Variants in RAPGEF1 observed in about 807,000 individuals in gnomAD.
RAPGEF1 encodes the protein Rap guanine nucleotide exchange factor 1.
In RAPGEF1, 33 loss-of-function variants were observed where a neutral mutation model predicts 143.3. The ratio of observed to expected loss-of-function variants is 0.23; its 90% CI spans 0.17 to 0.31. RAPGEF1 has a LOEUF of 0.31. Among genes scored for constraint, RAPGEF1 ranks in the 10% least tolerant of loss-of-function variants. RAPGEF1 has a pLI of 1.00. For missense variants in RAPGEF1, 1,199 were observed against 1,645.4 expected, an observed-to-expected ratio of 0.73 and a Z score of 4.69; for synonymous variants, 629 against 676.5, an observed-to-expected ratio of 0.93 and a Z score of 1.09.
chr9:131,579,745 C>T (rs1951570751), intron 26 of RAPGEF1, 98 bp from the exon 27 acceptor site: 3 of 1,303,616 alleles, frequency 2.3e-6, no homozygotes, highest in Admixed American at 2.3e-5. Context: ...ACCATCCCCA[C>T]AGCCTCGCAG....
chr9:131,704,622 A>T (rs991580923), intron 1 of RAPGEF1, among the ~76,000 whole-genome samples: 1 of 152,140 alleles, frequency 6.6e-6, no homozygotes, highest in African/African-American at 2.4e-5. Context: ...AGGAGATAAC[A>T]ATTCAATTTG....
intron 1 of RAPGEF1, among the ~76,000 whole-genome samples, chr9:131,658,930 G>A (rs1253871871): frequency 6.6e-6 from 1 of 152,194 alleles, no homozygotes; most frequent in Non-Finnish European, 1.5e-5. Context: ...AGTGGTTTCT[G>A]TCTCAACTTA....
intron 11 of RAPGEF1, among the ~76,000 whole-genome samples, chr9:131,620,938 G>A (rs774759534): frequency 1.3e-5 from 2 of 152,250 alleles, no homozygotes; most frequent in African/African-American, 2.4e-5. Context: ...GCCAGCACAC[G>A]AGAGCAGCAG....
Position 131,580,264 on chromosome 9 carries a change from C to T in RAPGEF1, c.3640G>A (p.Ala1214Thr). Reference protein sequence around the residue: ...ILDSMRCFQQAHYDMRRNDDI... With the variant: ...ILDSMRCFQQTHYDMRRNDDI... ...TCCCCCCGGGGCAGTGGCACTCACG[C>T]CTGCTGGAAGCAGCGCATGCTGTCG... is the stretch of plus-strand genomic sequence containing the variant. Residue 1214 changes from alanine (A) to threonine (T), a missense_variant and splice_region_variant, in exon 26 of 27, where the codon GCG becomes ACG. Ala to Thr is a moderately conservative substitution (Grantham distance 58, BLOSUM62 0). Around this residue, in one of 6 missense-constraint regions of RAPGEF1, gnomAD observed 67 missense variants for 105.4 expected, o/e 0.64. Transcript: ENST00000683357. The T allele has an allele frequency of 6.2e-7, 1 of 1,613,926 alleles. No individual in the cohort carries two copies. Among genetic ancestry groups the T allele is most frequent in the Non-Finnish European group, 8.5e-7 (1 of 1,179,834 alleles).
At chr9:131,692,281 G>T (rs991308348) in intron 1 of RAPGEF1, among the ~76,000 whole-genome samples, 3 of 152,200 alleles carry the variant, frequency 2.0e-5, no homozygotes, top group African/African-American at 7.2e-5. Context: ...GGTGACTGTA[G>T]AGAGAAAAAC....
At chr9:131,726,507 T>TAAATATATATATAATG (rs1836679645) in intron 1 of RAPGEF1, among the ~76,000 whole-genome samples, 3 of 151,824 alleles carry the variant, frequency 2.0e-5, no homozygotes, top group Non-Finnish European at 4.4e-5. Context: ...ATGCCTATAA[T>TAAATATATATATAATG]CCCAGCTACT....
At chr9:131,713,385 G>A (rs1835646666) in intron 1 of RAPGEF1, among the ~76,000 whole-genome samples, 1 of 152,166 alleles carries the variant, frequency 6.6e-6, no homozygotes, top group Non-Finnish European at 1.5e-5. Context: ...TCAACGCTAG[G>A]CATTTAGTTG....
intron 13 of RAPGEF1, 69 bp from the exon 14 acceptor site, chr9:131,604,122 G>A (rs1037240667): frequency 3.7e-5 from 38 of 1,020,732 alleles, no homozygotes; most frequent in Non-Finnish European, 4.9e-5. Context: ...CAGCTGGCCA[G>A]GGGATGCCAC....
chr9:131,672,875 A>C (rs952409667), intron 1 of RAPGEF1, among the ~76,000 whole-genome samples: 2 of 152,106 alleles, frequency 1.3e-5, no homozygotes, highest in Non-Finnish European at 2.9e-5. Flanking sequence ...CTACCAAGGA[A>C]ATTTAGCTGA....
In RAPGEF1 at chr9:131,577,243, A is replaced by T. The variant is rs945163999; in HGVS notation, c.*2254T>A. On this transcript the variant is annotated 3_prime_UTR_variant, in exon 27 of 27. Coordinates refer to ENST00000683357, the MANE Select transcript of RAPGEF1 (RefSeq NM_001377935.1). The stretch of plus-strand genomic sequence containing the variant: ...GTCCTCACGCAGGGAGCCCCTGGGC[A>T]CTGCTCATGTGCTGCCTGGGCCCTG... 1 of 152,336 alleles carries T rather than the reference A, an allele frequency of 6.6e-6. No individual in the cohort carries two copies. The allele number at this position is 152,336 out of a possible 1,614,324, so 9.4% of individuals were successfully genotyped here. A position where few individuals can be genotyped will look rare whatever the true frequency, so the allele number is the denominator to read the frequency against.
At chr9:131,612,560 C>T (rs900703657) in intron 12 of RAPGEF1, among the ~76,000 whole-genome samples, 4 of 152,262 alleles carry the variant, frequency 2.6e-5, no homozygotes, top group African/African-American at 4.8e-5. Context: ...AAGGCAGGCT[C>T]GCTCCTGGGC....
chr9:131,659,327 CT>C (rs60835419), intron 1 of RAPGEF1, among the ~76,000 whole-genome samples: 5,413 of 151,288 alleles, frequency 0.036, 209 homozygotes, highest in East Asian at 0.089. Context: ...AAGTCTGTGG[CT>C]TTTTTTTTAA....
chr9:131,623,557 G>A (rs531483654), intron 10 of RAPGEF1, among the ~76,000 whole-genome samples: 7 of 152,346 alleles, frequency 4.6e-5, no homozygotes, highest in East Asian at 1.9e-4. Context: ...CAGCAGTGAT[G>A]CTCCCAGCCT....
At chr9:131,723,533 T>TC (rs1334661757) in intron 1 of RAPGEF1, among the ~76,000 whole-genome samples, 1 of 152,258 alleles carries the variant, frequency 6.6e-6, no homozygotes, top group Non-Finnish European at 1.5e-5. Flanking sequence ...ATATGGTACT[T>TC]GTCTTTTTGT....
chr9:131,580,000 C>T (rs182315083), intron 26 of RAPGEF1, among the ~76,000 whole-genome samples: 1 of 152,218 alleles, frequency 6.6e-6, no homozygotes, highest in Non-Finnish European at 1.5e-5. Context: ...AAGGTGGGCA[C>T]CAGCTTCTGG....
At chr9:131,640,968 C>T (rs1564602055) in intron 4 of RAPGEF1, among the ~76,000 whole-genome samples, 1 of 152,130 alleles carries the variant, frequency 6.6e-6, no homozygotes, top group Non-Finnish European at 1.5e-5. Flanking sequence ...GAAAACAAAC[C>T]ATATTTCATG....
chr9:131,620,501 G>A (rs1396377809), intron 11 of RAPGEF1, among the ~76,000 whole-genome samples: 1 of 152,158 alleles, frequency 6.6e-6, no homozygotes, highest in African/African-American at 2.4e-5. Flanking sequence ...CATCTTCAGA[G>A]CAATTGAGAT....
Position 131,577,166 on chromosome 9 carries a change from G to A in RAPGEF1, c.*2331C>T, listed in dbSNP as rs1021726074. ...GCAATAACCAGGGCCAGGCTTAGGG[G>A]GCACAGGGGGCTGCCTGCCATCAAT... On this transcript the variant is annotated 3_prime_UTR_variant, in exon 27 of 27. Transcript: ENST00000683357. 7.9e-5 allele frequency: 12 copies of A among 152,356 alleles called. No individual in the cohort carries two copies. Among genetic ancestry groups the A allele is most frequent in the Non-Finnish European group, 1.3e-4 (9 of 68,130 alleles). 9.4% of individuals were successfully genotyped at this position (152,356 alleles called of 1,614,324 possible). A position where few individuals can be genotyped will look rare whatever the true frequency, so the allele number is the denominator to read the frequency against.
intron 10 of RAPGEF1, among the ~76,000 whole-genome samples, chr9:131,623,185 C>T (rs952693261): frequency 1.3e-5 from 2 of 152,184 alleles, no homozygotes; most frequent in African/African-American, 2.4e-5. Flanking sequence ...TAAATATGAC[C>T]GGGCGCACTG....
Sources: gnomAD v4.1 joint callset for allele counts (sites outside exome capture counted in the v4.1 genomes callset) on GRCh38, gnomAD v4.1.1 for gene constraint, gnomAD v4.1.1 regional missense constraint, MANE v1.5 for transcripts, NCBI Gene and HGNC (gene_info 2026-07-23, HGNC 2026-07-21) for gene names.